ABL1: variants seen among roughly 807,000 people sequenced by gnomAD.
ABL1 encodes ABL proto-oncogene 1, non-receptor tyrosine kinase.
A neutral mutation model predicts 94.7 loss-of-function variants in ABL1; 11 were observed. The observed-to-expected ratio is 0.12, with a 90% CI of 0.07 to 0.19. The LOEUF (loss-of-function observed/expected upper bound fraction) is 0.19. Ranked by LOEUF, ABL1 falls within the 10% of genes least tolerant of loss-of-function variation. The probability of loss-of-function intolerance (pLI) is 1.00; values close to 1 mark genes in which losing one functional copy is unlikely to be tolerated. For synonymous variants in ABL1, 656 were observed against 622.4 expected (o/e 1.05, Z -0.80); for missense variants, 1,082 against 1,489.4 (o/e 0.73, Z 4.50).
At chr9:130,857,523 G>C (rs1384203818) in intron 3 of ABL1, among the ~76,000 whole-genome samples, 5 of 151,728 alleles carry the variant, frequency 3.3e-5, no homozygotes, top group Admixed American at 6.6e-5. Context: ...TGACCTCTCT[G>C]TTCTCTTCCA....
chr9:130,807,543 T>C (rs960518589), intron 1 of ABL1, among the ~76,000 whole-genome samples: 4 of 151,934 alleles, frequency 2.6e-5, no homozygotes, highest in Non-Finnish European at 5.9e-5. Flanking sequence ...CCTGGTCTTC[T>C]AATAGAATTT....
At chr9:130,812,413 G>A (rs1830222097) in intron 1 of ABL1, among the ~76,000 whole-genome samples, 2 of 151,222 alleles carry the variant, frequency 1.3e-5, no homozygotes, top group Non-Finnish European at 2.9e-5. Flanking sequence ...GGATAAAAAA[G>A]CAAGACCTAT....
chr9:130,880,261 A>G lies in ABL1; in HGVS notation c.1513+104A>G. ...ACTTCCTGGTGAAAGTTCACAGACC[A>G]GCCTGTCCTGAGACCAGAAAGCTGG... On this transcript the variant is annotated intron_variant, in intron 9 of 10. Coordinates refer to ENST00000318560, the MANE Select transcript of ABL1 (RefSeq NM_005157.6). The surrounding 1 kb of genome is among the most constrained non-coding windows in gnomAD (Gnocchi z 4.4). 1 of 1,311,170 alleles carries G rather than the reference A, an allele frequency of 7.6e-7. No individual in the cohort carries two copies. 81.2% of individuals were successfully genotyped at this position (1,311,170 alleles called of 1,614,324 possible).
chr9:130,737,204 G>A (rs1025806031), intron 1 of ABL1, among the ~76,000 whole-genome samples: 1 of 152,102 alleles, frequency 6.6e-6, no homozygotes, highest in African/African-American at 2.4e-5. Flanking sequence ...CCATAAGGAG[G>A]TGTGCAGGCA....
Position 130,873,062 on chromosome 9 carries a change from C to A in ABL1, c.1085+25C>A, listed in dbSNP as rs750086354. The A allele has an allele frequency of 4.4e-6, 7 of 1,604,616 alleles. No individual in the cohort carries two copies. The Admixed American group carries it at 5.1e-5, about 12-fold the overall frequency. ...GGTAGGGGCCTGGCCAGGCAGCCTG[C>A]GCCATGGAGTCACAGGGCGTGGAGC... On this transcript the variant is annotated intron_variant, in intron 6 of 10. Coordinates refer to ENST00000318560, the MANE Select transcript of ABL1 (RefSeq NM_005157.6).
intron 7 of ABL1, among the ~76,000 whole-genome samples, chr9:130,877,979 AT>A (rs35113428): frequency 1.3e-5 from 2 of 151,130 alleles, no homozygotes; most frequent in South Asian, 2.1e-4. Flanking sequence ...CGCCCGGCTA[AT>A]TTTTTTGTAT....
At chr9:130,847,576 A>G (rs566574040) in intron 1 of ABL1, among the ~76,000 whole-genome samples, 13 of 152,324 alleles carry the variant, frequency 8.5e-5, no homozygotes, top group Admixed American at 4.6e-4. Context: ...ATACATTGTG[A>G]GTCAATTTTG....
At chr9:130,739,444 TA>T (rs200386267) in intron 1 of ABL1, among the ~76,000 whole-genome samples, 5 of 144,410 alleles carry the variant, frequency 3.5e-5, no homozygotes, top group Admixed American at 1.4e-4. Context: ...AATATAAATG[TA>T]AAAAAAATTT....
intron 1 of ABL1, among the ~76,000 whole-genome samples, chr9:130,797,950 CCT>C (rs1185672348): frequency 5.9e-5 from 9 of 152,012 alleles, no homozygotes; most frequent in African/African-American, 2.2e-4. Context: ...CACTTTTTTC[CCT>C]CTCTCTTTCT....
intron 1 of ABL1, among the ~76,000 whole-genome samples, chr9:130,732,926 G>C (rs1831685653): frequency 6.6e-6 from 1 of 152,164 alleles, no homozygotes; most frequent in African/African-American, 2.4e-5. Context: ...AGCAAGGAGG[G>C]ATGAAATTGC....
chr9:130,837,498 A>G (rs1288333690), intron 1 of ABL1, among the ~76,000 whole-genome samples: 1 of 152,056 alleles, frequency 6.6e-6, no homozygotes, highest in Non-Finnish European at 1.5e-5. Context: ...AAAAATCTAA[A>G]ACTCATTCCA....
At chr9:130,776,534 G>A (rs1367381895) in intron 1 of ABL1, among the ~76,000 whole-genome samples, 1 of 151,498 alleles carries the variant, frequency 6.6e-6, no homozygotes, top group Non-Finnish European at 1.5e-5. Flanking sequence ...CAGAGATCGT[G>A]CTACTGTACT....
intron 1 of ABL1, among the ~76,000 whole-genome samples, chr9:130,784,095 G>A (rs1281624170): frequency 2.0e-5 from 3 of 148,922 alleles, no homozygotes; most frequent in South Asian, 4.2e-4. Context: ...ATTCTAAAAT[G>A]TACATTATTT....
At position 130,727,712 on chromosome 9, in the gene ABL1, C is replaced by T. The variant is rs148726660; in HGVS notation, c.136+13257C>T. Among the ~76,000 whole-genome samples, 637 of 148,616 alleles carry T rather than the reference C, an allele frequency of 4.3e-3. 2 individuals carry two copies. Among genetic ancestry groups the T allele is most frequent in the Non-Finnish European group, 6.1e-3 (410 of 67,446 alleles). Reference sequence around the variant, plus strand: ...CAGAGGTTGCAGTGAGCCGAGATCGCGCCATTGCACTCCAGCCTGGGTGAC... The same window carrying T: ...CAGAGGTTGCAGTGAGCCGAGATCGTGCCATTGCACTCCAGCCTGGGTGAC... On this transcript the variant is annotated intron_variant, in intron 1 of 10. Coordinates refer to the ABL1 transcript ENST00000372348.
rs560248366 is a variant in ABL1 at position 130,841,985 on chromosome 9, A to G, written c.79+6460A>G. ...AAGGGGAGACATAAGGGGGAAATCT[A>G]TAGAGACAGAGACTGAGAGACAAAT... On this transcript the variant is annotated intron_variant, in intron 1 of 10. Coordinates refer to ENST00000318560, the MANE Select transcript of ABL1 (RefSeq NM_005157.6). Among the ~76,000 whole-genome samples, 19 of 151,872 alleles carry G rather than the reference A, an allele frequency of 1.3e-4. No individual in the cohort carries two copies. In the South Asian group the frequency reaches 3.8e-3, roughly 30 times the overall value.
rs149032190 is a variant in ABL1, at chr9:130,876,966, G to A, written c.1271-1449G>A. ...GTTAGCCAGGATGGTCTCGATCTCC[G>A]GACTTCGTGATCCGCCCACCTTGGC... On this transcript the variant is annotated intron_variant, in intron 7 of 10. Transcript: ENST00000318560. Among the ~76,000 whole-genome samples, 26 of 146,342 alleles carry A rather than the reference G, an allele frequency of 1.8e-4. 2 individuals carry two copies. Among genetic ancestry groups the A allele is most frequent in the African/African-American group, 1.1e-4 (4 of 37,980 alleles).
Position 130,801,992 on chromosome 9 carries a change from A to G in ABL1, c.137-52072A>G, listed in dbSNP as rs371347004. 8.6e-4 allele frequency among the ~76,000 whole-genome samples: 127 copies of G among 148,198 alleles called. 1 individual carries two copies. The highest frequency in any genetic ancestry group is 2.8e-3 in the African/African-American group (112 of 39,740). On this transcript the variant is annotated intron_variant, in intron 1 of 10. Transcript: ENST00000372348. ...CTCTTGTTTCTTCTAAATTTTTTCT[A>G]CCCCATTCTCCCTGTCCCTCTCCTT...
chr9:130,791,078 AAG>A (rs1171326984), intron 1 of ABL1, among the ~76,000 whole-genome samples: 1 of 152,256 alleles, frequency 6.6e-6, no homozygotes. Flanking sequence ...AAGGAAAGGA[AAG>A]AAATTCATGT....
intron 1 of ABL1, among the ~76,000 whole-genome samples, chr9:130,778,923 C>T (rs910631843): frequency 3.0e-4 from 46 of 152,068 alleles, no homozygotes; most frequent in African/African-American, 1.1e-3. Flanking sequence ...AGAGATTTAG[C>T]TTTAACTTGT....
Sources: gnomAD v4.1 joint callset for allele counts (sites outside exome capture counted in the v4.1 genomes callset) on GRCh38, gnomAD v4.1.1 for gene constraint, Gnocchi (gnomAD v3.1) non-coding constraint, MANE v1.5 for transcripts, NCBI Gene and HGNC (gene_info 2026-07-23, HGNC 2026-07-21) for gene names.